Variants in TWIST2 observed in about 807,000 individuals in gnomAD.
TWIST2 encodes the protein twist-related protein 2.
In TWIST2, 1 loss-of-function variant was observed where a neutral mutation model predicts 11.6. That is an observed-to-expected ratio of 0.09 (90% CI 0.03 to 0.41). The LOEUF is 0.41. Ranked by LOEUF, TWIST2 falls within the 10% of genes least tolerant of loss-of-function variation. The pLI is 0.98. For missense variants in TWIST2, 168 were observed against 226.4 expected (o/e 0.74, Z 1.66); for synonymous variants, 87 against 96.6 (o/e 0.90, Z 0.58).
At chr2:238,874,701 T>A (rs971122234) in intron 1 of TWIST2, among the ~76,000 whole-genome samples, 1 of 152,208 alleles carries the variant, frequency 6.6e-6, no homozygotes, top group Non-Finnish European at 1.5e-5. Context: ...GCTTGTTTCT[T>A]GGAGAATCTA....
In TWIST2 at chr2:238,883,683, G is replaced by A. The variant is rs552653396; in HGVS notation, c.*36-26159G>A. Among the ~76,000 whole-genome samples, 13 of 152,274 alleles carry A rather than the reference G, an allele frequency of 8.5e-5. No homozygotes were observed. The East Asian group carries it at 1.5e-3, about 18-fold the overall frequency. The stretch of plus-strand genomic sequence containing the variant: ...GGCCAGGAAGGGGCTCCGAGCACAC[G>A]GAGGGAGTTGAGTAAGAAGAATTCC... On this transcript the variant is annotated intron_variant, in intron 1 of 1. Transcript: ENST00000612363.
chr2:238,905,719 A>AC (rs1224187462), intron 1 of TWIST2, among the ~76,000 whole-genome samples: 17 of 150,822 alleles, frequency 1.1e-4, no homozygotes, highest in Middle Eastern at 6.8e-3. Flanking sequence ...TTCTCTACCC[A>AC]CCCCCCCTTA....
At position 238,910,161 on chromosome 2, in the gene TWIST2, G is replaced by A. The variant is rs1693429101; in HGVS notation, c.*355G>A. ...TCTAGATTCAGGAACACATTTATGA[G>A]GATTTGGATTTTGAATTTGTATTTC... On this transcript the variant is annotated 3_prime_UTR_variant, in exon 2 of 2. Coordinates refer to ENST00000612363, the MANE Select transcript of TWIST2 (RefSeq NM_001271893.4). 6.6e-6 allele frequency: 1 copy of A among 152,056 alleles called. No homozygotes were observed. Among genetic ancestry groups the A allele is most frequent in the South Asian group, 2.1e-4 (1 of 4,812 alleles). The allele number at this position is 152,056 out of a possible 1,614,324, so 9.4% of individuals were successfully genotyped here.
At chr2:238,871,446 A>C (rs1692698704) in intron 1 of TWIST2, among the ~76,000 whole-genome samples, 2 of 62,602 alleles carry the variant, frequency 3.2e-5, no homozygotes, top group African/African-American at 1.3e-4. Context: ...CACACACCTT[A>C]CCCCACACAC....
intron 1 of TWIST2, among the ~76,000 whole-genome samples, chr2:238,896,904 G>A (rs1693213961): frequency 6.6e-6 from 1 of 152,198 alleles, no homozygotes; most frequent in African/African-American, 2.4e-5. Flanking sequence ...AGGGGGTCCT[G>A]CCTGTAACAG....
At chr2:238,897,365 T>G (rs4072448) in intron 1 of TWIST2, among the ~76,000 whole-genome samples, 68,345 of 151,816 alleles carry the variant, frequency 0.45, 15,623 homozygotes, top group African/African-American at 0.51. Context: ...AGCCACGGAG[T>G]TTGGCCAGGA....
intron 1 of TWIST2, among the ~76,000 whole-genome samples, chr2:238,879,166 C>A (rs973043210): frequency 2.6e-5 from 4 of 152,230 alleles, no homozygotes; most frequent in Admixed American, 6.5e-5. Context: ...TGAGCCCCTC[C>A]TGGTGGGGCT....
In TWIST2 at chr2:238,848,723, G is replaced by A; in HGVS notation, c.*25G>A. The A allele has an allele frequency of 6.8e-7, 1 of 1,473,414 alleles. No homozygotes were observed. The highest frequency in any genetic ancestry group is 9.0e-7 in the Non-Finnish European group (1 of 1,113,626). 91.3% of individuals were successfully genotyped at this position (1,473,414 alleles called of 1,614,324 possible). ...GCGCCGCGCCACCCACCTCCGGACC[G>A]GCGCGCCAGGGTAGGTGCTGCGCGC... On this transcript the variant is annotated 3_prime_UTR_variant, in exon 1 of 2. Transcript: ENST00000612363.
At chr2:238,905,862 TGTGC>T (rs1693334775) in intron 1 of TWIST2, among the ~76,000 whole-genome samples, 2 of 60,060 alleles carry the variant, frequency 3.3e-5, no homozygotes, top group South Asian at 1.0e-3. Context: ...TGTGCGTGTG[TGTGC>T]GTGCGTGTGT....
intron 1 of TWIST2, among the ~76,000 whole-genome samples, chr2:238,898,648 C>A (rs1331158442): frequency 6.6e-6 from 1 of 152,240 alleles, no homozygotes; most frequent in Admixed American, 6.5e-5. Context: ...TCTCCTTCCT[C>A]TCCCCTGAGG....
chr2:238,881,102 G>A (rs1266211466), intron 1 of TWIST2, among the ~76,000 whole-genome samples: 2 of 89,682 alleles, frequency 2.2e-5, no homozygotes, highest in Non-Finnish European at 4.3e-5. Flanking sequence ...GTTAGTATTG[G>A]TATTAGTGTT....
chr2:238,870,138 CACCCCAT>C (rs1559273458), intron 1 of TWIST2, among the ~76,000 whole-genome samples: 116 of 125,156 alleles, frequency 9.3e-4, no homozygotes, highest in African/African-American at 3.3e-3. Flanking sequence ...ACACACACCA[CACCCCAT>C]ACACACCACA....
intron 1 of TWIST2, among the ~76,000 whole-genome samples, chr2:238,873,508 G>A (rs557602532): frequency 8.5e-5 from 13 of 152,316 alleles, no homozygotes; most frequent in Non-Finnish European, 1.2e-4. Context: ...TGGGCAGGGG[G>A]ATGGCTTCAG....
chr2:238,884,992 T>C lies in TWIST2; in HGVS notation c.*36-24850T>C, dbSNP rs138267646. Among the ~76,000 whole-genome samples, 452 of 152,314 alleles carry C rather than the reference T, an allele frequency of 3.0e-3. 4 individuals carry two copies. Among genetic ancestry groups the C allele is most frequent in the African/African-American group, 0.01 (424 of 41,570 alleles). On this transcript the variant is annotated intron_variant, in intron 1 of 1. Coordinates refer to ENST00000612363, the MANE Select transcript of TWIST2 (RefSeq NM_001271893.4). ...TGGAGCGTCCCCCCATGGAAGAGAA[T>C]GTCCACACGCTCGTGGAGACACGTT...
chr2:238,900,937 GC>G (rs1317577677), intron 1 of TWIST2, among the ~76,000 whole-genome samples: 3 of 149,110 alleles, frequency 2.0e-5, no homozygotes, highest in Admixed American at 6.6e-5. Flanking sequence ...ACGTTCCTCT[GC>G]CATTTTTTCT....
chr2:238,905,964 CGTGTGT>C (rs1221851359), intron 1 of TWIST2, among the ~76,000 whole-genome samples: 30 of 115,448 alleles, frequency 2.6e-4, no homozygotes, highest in African/African-American at 1.1e-3. Flanking sequence ...TGTACGTGTG[CGTGTGT>C]GTGCGCGCGC....
At chr2:238,871,220 C>A (rs1300455872) in intron 1 of TWIST2, among the ~76,000 whole-genome samples, 1 of 7,524 alleles carries the variant, frequency 1.3e-4, no homozygotes, top group Non-Finnish European at 2.4e-4. Context: ...AACCACACCC[C>A]CCCACACACA....
chr2:238,906,456 A>G (rs1319553133), intron 1 of TWIST2, among the ~76,000 whole-genome samples: 5 of 152,070 alleles, frequency 3.3e-5, no homozygotes, highest in African/African-American at 7.2e-5. Flanking sequence ...ATACACATGC[A>G]TACTGACACT....
intron 1 of TWIST2, among the ~76,000 whole-genome samples, chr2:238,870,527 A>C (rs1215551199): frequency 3.1e-5 from 4 of 130,710 alleles, no homozygotes; most frequent in Non-Finnish European, 6.4e-5. Flanking sequence ...CACACAAACC[A>C]CACACCCTAC....
Sources: allele counts gnomAD v4.1 joint callset (sites outside exome capture counted in the v4.1 genomes callset), GRCh38; gene constraint gnomAD v4.1.1; transcripts MANE v1.5; gene names NCBI Gene and HGNC (gene_info 2026-07-23, HGNC 2026-07-21).